Variants in FLT1 observed in about 807,000 individuals in gnomAD.
The protein encoded by FLT1 is vascular endothelial growth factor receptor 1.
A neutral mutation model predicts 156.3 loss-of-function variants in FLT1; 49 were observed. The ratio of observed to expected loss-of-function variants is 0.31; its 90% CI spans 0.25 to 0.40. The LOEUF is 0.40. Ranked by LOEUF, FLT1 falls within the 10% of genes least tolerant of loss-of-function variation. The pLI is 1.00. For synonymous variants in FLT1, 594 were observed against 583.8 expected (o/e 1.02, Z -0.25); for missense variants, 1,322 against 1,637.2 (o/e 0.81, Z 3.32).
At chr13:28,308,589 T>A (rs565762908) in intron 28 of FLT1, among the ~76,000 whole-genome samples, 1 of 152,196 alleles carries the variant, frequency 6.6e-6, no homozygotes, top group African/African-American at 2.4e-5. Context: ...AAACACACAA[T>A]GGAGTTTCCT....
intron 1 of FLT1, among the ~76,000 whole-genome samples, chr13:28,492,946 TA>T (rs879903724): frequency 0.02 from 2,771 of 138,126 alleles, 65 homozygotes; most frequent in African/African-American, 0.064. Context: ...AAAGTGCAAA[TA>T]AAAAAAAAAA....
intron 27 of FLT1, 136 bp from the exon 28 acceptor site, chr13:28,309,063 A>G (rs566250365): frequency 1.5e-6 from 1 of 656,730 alleles, no homozygotes; most frequent in South Asian, 1.6e-5. Context: ...TGAGGCCCCG[A>G]TCTCCCCGCC....
chr13:28,385,053 C>A (rs1001834180), intron 13 of FLT1, 22 bp from the exon 14 acceptor site: 1 of 1,613,410 alleles, frequency 6.2e-7, no homozygotes, highest in Non-Finnish European at 8.5e-7. Context: ...AGAAAGGGAG[C>A]TGTGATTACT....
chr13:28,433,338 T>C (rs1465523710), intron 6 of FLT1, among the ~76,000 whole-genome samples: 1 of 152,242 alleles, frequency 6.6e-6, no homozygotes, highest in African/African-American at 2.4e-5. Flanking sequence ...ACAAATGGAA[T>C]ATTGGATGGC....
chr13:28,353,065 A>C (rs558583020), intron 15 of FLT1, among the ~76,000 whole-genome samples: 1 of 152,352 alleles, frequency 6.6e-6, no homozygotes, highest in South Asian at 2.1e-4. Context: ...CAAACAAGTG[A>C]CAACGTGCAA....
intron 13 of FLT1, chr13:28,385,779 A>G: frequency 9.7e-7 from 1 of 1,026,456 alleles, no homozygotes; most frequent in South Asian, 4.7e-5. Context: ...AATGAATTCA[A>G]TACATTAAGA....
chr13:28,348,767 G>C (rs1465235055), intron 15 of FLT1, among the ~76,000 whole-genome samples: 3 of 152,160 alleles, frequency 2.0e-5, no homozygotes, highest in Admixed American at 2.0e-4. Context: ...AAATTAGCTG[G>C]GCATGGTGGC....
intron 4 of FLT1, 152 bp downstream of exon 4, chr13:28,438,069 A>G (rs1878130145): frequency 1.4e-6 from 1 of 723,720 alleles, no homozygotes; most frequent in Non-Finnish European, 2.5e-6. Flanking sequence ...AACTTCTAGC[A>G]CTATTCCTTA....
rs76525256 is a variant in FLT1, at chr13:28,364,830, A to G, written c.2117-7145T>C. Among the ~76,000 whole-genome samples, 51 of 152,326 alleles carry G rather than the reference A, an allele frequency of 3.3e-4. No homozygotes were observed. In the East Asian group the frequency reaches 9.6e-3, roughly 29 times the overall value. ...ACCTATTTATCTATCCCTGTACCAC[A>G]TAAGTTAAATTATGATTGCTTGATA... On this transcript the variant is annotated intron_variant, in intron 14 of 29. Transcript: ENST00000282397.
intron 15 of FLT1, among the ~76,000 whole-genome samples, chr13:28,351,376 T>C (rs1362420942): frequency 2.0e-5 from 3 of 152,222 alleles, no homozygotes; most frequent in African/African-American, 7.2e-5. Flanking sequence ...GATTTAGGTA[T>C]GAACGAGAAG....
At chr13:28,336,843 G>C (rs1872137397) in intron 17 of FLT1, among the ~76,000 whole-genome samples, 1 of 151,358 alleles carries the variant, frequency 6.6e-6, no homozygotes, top group South Asian at 2.1e-4. Flanking sequence ...CACCTCCTGG[G>C]TTCAAATGAT....
chr13:28,303,178 G>A lies in FLT1; in HGVS notation c.4006C>T (p.Pro1336Ser). The A allele has an allele frequency of 6.2e-7, 1 of 1,610,130 alleles. No homozygotes were observed. The highest frequency in any genetic ancestry group is 8.5e-7 in the Non-Finnish European group (1 of 1,179,762). ...CTTCGTGTCAAACTCTAGATGGGTG[G>A]GGTGGAGTACAGGACCACCGAGTTG... ...DYNSVVLYST[P>S]PI Residue 1336 changes from proline (P) to serine (S), a missense_variant, in exon 30 of 30, where the codon CCA becomes TCA. This residue lies in a region of FLT1 where 329 missense variants were observed against 366.2 expected (regional missense o/e 0.90). Coordinates refer to ENST00000282397, the MANE Select transcript of FLT1 (RefSeq NM_002019.4).
chr13:28,366,203 G>T (rs4769598), intron 14 of FLT1, among the ~76,000 whole-genome samples: 5,857 of 152,208 alleles, frequency 0.038, 299 homozygotes, highest in Admixed American at 0.15. Flanking sequence ...AAACATGGAT[G>T]CAAGATATAT....
At chr13:28,359,784 TACTC>T (rs1386152119) in intron 14 of FLT1, among the ~76,000 whole-genome samples, 1 of 152,094 alleles carries the variant, frequency 6.6e-6, no homozygotes, top group Non-Finnish European at 1.5e-5. Context: ...ATGAAAAAAA[TACTC>T]ACCATCTCCA....
intron 10 of FLT1, 135 bp from the exon 11 acceptor site, chr13:28,406,029 A>C (rs1875779160): frequency 3.0e-6 from 2 of 673,140 alleles, no homozygotes; most frequent in South Asian, 1.6e-5. Context: ...TTTTCCTTAG[A>C]TTTTTTCCTA....
intron 4 of FLT1, among the ~76,000 whole-genome samples, chr13:28,436,519 T>G (rs1878030656): frequency 6.6e-6 from 1 of 152,216 alleles, no homozygotes; most frequent in South Asian, 2.1e-4. Flanking sequence ...GTAAATAGAC[T>G]CCCACCAGCC....
intron 13 of FLT1, chr13:28,389,589 C>T (rs1874578282): frequency 6.9e-7 from 1 of 1,448,508 alleles, no homozygotes; most frequent in Non-Finnish European, 9.0e-7. Context: ...ATTATTACTG[C>T]TATCATCTCC....
At chr13:28,340,694 G>A (rs1340539066) in intron 16 of FLT1, among the ~76,000 whole-genome samples, 1 of 152,158 alleles carries the variant, frequency 6.6e-6, no homozygotes, top group Non-Finnish European at 1.5e-5. Context: ...GCATTCTTCA[G>A]CCCTTACTCA....
chr13:28,381,062 A>G (rs1874061277), intron 14 of FLT1, among the ~76,000 whole-genome samples: 1 of 152,144 alleles, frequency 6.6e-6, no homozygotes, highest in Non-Finnish European at 1.5e-5. Flanking sequence ...GCTGAGACAC[A>G]TTCTCTTGCC....
Sources: allele counts gnomAD v4.1 joint callset (sites outside exome capture counted in the v4.1 genomes callset), GRCh38; gene constraint gnomAD v4.1.1; regional missense constraint gnomAD v4.1.1; transcripts MANE v1.5; gene names NCBI Gene and HGNC (gene_info 2026-07-23, HGNC 2026-07-21).